The following TXLNG variants were observed in gnomAD, a reference collection of about 807,000 sequenced individuals.
TXLNG encodes gamma-taxilin.
A neutral mutation model predicts 38.8 loss-of-function variants in TXLNG; 5 were observed. That is an observed-to-expected ratio of 0.13 (90% CI 0.07 to 0.27). The LOEUF (loss-of-function observed/expected upper bound fraction) is 0.27, where lower values mean the gene tolerates loss of function less well. Among genes scored for constraint, TXLNG ranks in the 10% least tolerant of loss-of-function variants. The pLI, the probability that TXLNG is intolerant of heterozygous loss-of-function variation, is 1.00. For missense variants in TXLNG, 393 were observed against 398.2 expected (o/e 0.99, Z 0.11); for synonymous variants, 182 against 158.2 (o/e 1.15, Z -1.13).
chrX:16,822,392 G>GTA (rs1469950930), intron 3 of TXLNG, among the ~76,000 whole-genome samples: 1 of 111,292 alleles, frequency 9.0e-6, no homozygotes, highest in Non-Finnish European at 1.9e-5. Flanking sequence ...AGTGGTCCAG[G>GTA]TATACCTCAG....
chrX:16,803,195 A>G (rs1024205445), intron 1 of TXLNG: 1 of 111,009 alleles, frequency 9.0e-6, no homozygotes, highest in African/African-American at 3.3e-5. Flanking sequence ...AGTTTGACCC[A>G]ACAAACTTTG....
intron 3 of TXLNG, among the ~76,000 whole-genome samples, chrX:16,824,717 G>GAC (rs1929106538): frequency 9.3e-6 from 1 of 107,892 alleles, no homozygotes; most frequent in Non-Finnish European, 1.9e-5. Context: ...AGGAATTCAA[G>GAC]ACCAGCCTGT....
intron 1 of TXLNG, among the ~76,000 whole-genome samples, chrX:16,794,665 G>A (rs1391520454): frequency 9.0e-6 from 1 of 111,400 alleles, no homozygotes; most frequent in Non-Finnish European, 1.9e-5. Context: ...TGGATCTAGG[G>A]AAGGATGACT....
At chrX:16,824,921 A>G (rs982158459) in intron 3 of TXLNG, among the ~76,000 whole-genome samples, 1 of 108,691 alleles carries the variant, frequency 9.2e-6, no homozygotes, top group Non-Finnish European at 1.9e-5. Flanking sequence ...GTGAGACTTC[A>G]TCTCAGAAAA....
In TXLNG at chrX:16,818,837, G is replaced by A. The variant is rs747232403; in HGVS notation, c.366G>A (p.Gln122=). The A allele has an allele frequency of 2.5e-6, 3 of 1,209,966 alleles. No homozygotes were observed. The highest frequency in any genetic ancestry group is 5.9e-5 in the East Asian group (2 of 33,834). ...GEARTDPPDG[Q]QDSECNRNKE... ...CTCGAACAGATCCCCCTGATGGTCAGCAAGATTCAGAGTGCAACAGGAACA... is the reference window on the plus strand; with the variant it reads ...CTCGAACAGATCCCCCTGATGGTCAACAAGATTCAGAGTGCAACAGGAACA... The change falls in exon 2 of 10, where the codon CAG becomes CAA. Residue 122 remains glutamine (Q), a synonymous_variant. Transcript: ENST00000380122.
Position 16,818,786 on chromosome X carries a change from A to G in TXLNG, c.315A>G (p.Ser105=). Residue 105 remains serine (S), a synonymous_variant, in exon 2 of 10, where the codon TCA becomes TCG. Coordinates refer to ENST00000380122, the MANE Select transcript of TXLNG (RefSeq NM_018360.3). Reference sequence around the variant, plus strand: ...GCCCAGCATACTGCACGCAAGAATCAAGAGAGGAAATCCCTGGGGGAGAAG... The same window carrying G: ...GCCCAGCATACTGCACGCAAGAATCGAGAGAGGAAATCCCTGGGGGAGAAG... ...LVSPAYCTQE[S]REEIPGGEAR... 1 of 1,212,259 alleles carries G rather than the reference A, an allele frequency of 8.2e-7. No homozygotes were observed. The highest frequency in any genetic ancestry group is 1.1e-6 in the Non-Finnish European group (1 of 895,633).
At chrX:16,802,672 G>A (rs778268734) in intron 1 of TXLNG, among the ~76,000 whole-genome samples, 5 of 111,301 alleles carry the variant, frequency 4.5e-5, no homozygotes, top group South Asian at 3.8e-4. Flanking sequence ...CGTTAGTAAC[G>A]GAAAAGTGAG....
intron 8 of TXLNG, among the ~76,000 whole-genome samples, chrX:16,838,396 C>T (rs1298871006): frequency 6.3e-5 from 7 of 111,957 alleles, no homozygotes; most frequent in African/African-American, 1.9e-4. Flanking sequence ...AGATGTTAGT[C>T]ATGACTATTA....
At chrX:16,807,797 G>T (rs1040880175) in intron 1 of TXLNG, among the ~76,000 whole-genome samples, 2 of 111,451 alleles carry the variant, frequency 1.8e-5, no homozygotes, top group African/African-American at 6.5e-5. Flanking sequence ...CATATGCCTG[G>T]CCCTGGTCAA....
chrX:16,825,876 C>A (rs1409755010), intron 3 of TXLNG, among the ~76,000 whole-genome samples: 1 of 112,279 alleles, frequency 8.9e-6, no homozygotes, highest in Admixed American at 9.5e-5. Context: ...TCCTGATCTG[C>A]AGCTACACGC....
At position 16,839,985 on chromosome X, in the gene TXLNG, G is replaced by T. The variant is rs992341343; in HGVS notation, c.1248+69G>T. 4.7e-6 allele frequency: 4 copies of T among 845,161 alleles called. 1 individual carries two copies. The South Asian group carries it at 8.7e-5, about 18-fold the overall frequency. 69.7% of individuals were successfully genotyped at this position (845,161 alleles called of 1,213,427 possible). ...GACTCCTTGAGTTCAGGTACCTATC[G>T]GGGCCGGGGACGTGTGCTGTAACAC... On this transcript the variant is annotated intron_variant, in intron 9 of 9. Coordinates refer to ENST00000380122, the MANE Select transcript of TXLNG (RefSeq NM_018360.3).
At chrX:16,805,159 T>A (rs985267586) in intron 1 of TXLNG, among the ~76,000 whole-genome samples, 4 of 108,219 alleles carry the variant, frequency 3.7e-5, no homozygotes, top group African/African-American at 1.3e-4. Context: ...AATTTTTTTA[T>A]TTTTAGTAGA....
chrX:16,841,853 T>G lies in TXLNG; in HGVS notation c.*87T>G. On this transcript the variant is annotated 3_prime_UTR_variant, in exon 10 of 10. Transcript: ENST00000380122. ...TAACTATTGGTTTTGTGGTGAAAATTTTCTTACTTTTTCTACCATATCTGT... is the reference window on the plus strand; with the variant it reads ...TAACTATTGGTTTTGTGGTGAAAATGTTCTTACTTTTTCTACCATATCTGT... 1 of 963,867 alleles carries G rather than the reference T, an allele frequency of 1.0e-6. No homozygotes were observed. The highest frequency in any genetic ancestry group is 1.4e-6 in the Non-Finnish European group (1 of 702,914). The allele number at this position is 963,867 out of a possible 1,213,427, so 79.4% of individuals were successfully genotyped here. A position where few individuals can be genotyped will look rare whatever the true frequency, so the allele number is the denominator to read the frequency against.
intron 9 of TXLNG, among the ~76,000 whole-genome samples, chrX:16,841,156 T>C (rs5969748): frequency 0.47 from 50,837 of 107,534 alleles, 9,283 homozygotes; most frequent in East Asian, 0.85. Context: ...GATCACGCCA[T>C]TGCACTCCAG....
At chrX:16,815,333 G>A (rs1602378568) in intron 1 of TXLNG, among the ~76,000 whole-genome samples, 2 of 108,771 alleles carry the variant, frequency 1.8e-5, no homozygotes, top group Admixed American at 2.0e-4. Flanking sequence ...GCACCACCAC[G>A]CCCAGTTAAA....
At chrX:16,820,984 T>C (rs1928922949) in intron 3 of TXLNG, among the ~76,000 whole-genome samples, 2 of 109,265 alleles carry the variant, frequency 1.8e-5, no homozygotes, top group Admixed American at 2.0e-4. Flanking sequence ...TTAGCCAGGA[T>C]GGTCTTGATC....
chrX:16,820,209 C>T lies in TXLNG; in HGVS notation c.452C>T (p.Thr151Ile). The stretch of plus-strand genomic sequence containing the variant: ...ATGCAAGCCCTAAACACCCTTTCAA[C>T]CCCAGAGGAGAAGCTGGCAGCTCTC... ...LLMQALNTLS[T>I]PEEKLAALCK... The change falls in exon 3 of 10, where the codon ACC (threonine) becomes ATC (isoleucine). Residue 151 changes from threonine to isoleucine, a missense_variant. By Grantham distance (89) the Thr-to-Ile change is moderately conservative (BLOSUM62 -1). Coordinates refer to ENST00000380122, the MANE Select transcript of TXLNG (RefSeq NM_018360.3). 1 of 1,210,376 alleles carries T rather than the reference C, an allele frequency of 8.3e-7. No individual in the cohort carries two copies. The highest frequency in any genetic ancestry group is 1.1e-6 in the Non-Finnish European group (1 of 894,873).
rs774227669 is a variant in TXLNG, at chrX:16,829,751, A to G, written c.845A>G (p.Gln282Arg). ...GAGAAGCTAAAGAAGCTCATCGAAC[A>G]GTACGCACTGAGGGAAGAGGTAATG... ...LGEKLKKLIE[Q>R]YALREEHIDK... The change falls in exon 5 of 10, where the codon CAG becomes CGG. Residue 282 changes from glutamine (Q) to arginine (R), a missense_variant. Gln to Arg is a conservative substitution (Grantham distance 43). Transcript: ENST00000380122. 1 of 1,211,600 alleles carries G rather than the reference A, an allele frequency of 8.3e-7. No individual in the cohort carries two copies. Among genetic ancestry groups the G allele is most frequent in the Non-Finnish European group, 1.1e-6 (1 of 895,384 alleles).
At chrX:16,839,979 C>T (rs1602403917) in intron 9 of TXLNG, 63 bp downstream of exon 9, 1 of 871,283 alleles carries the variant, frequency 1.1e-6, no homozygotes, top group South Asian at 2.8e-5. Context: ...AGTTCAGGTA[C>T]CTATCGGGGC....
Sources: allele counts gnomAD v4.1 joint callset (sites outside exome capture counted in the v4.1 genomes callset), GRCh38; gene constraint gnomAD v4.1.1; transcripts MANE v1.5; gene names NCBI Gene and HGNC (gene_info 2026-07-23, HGNC 2026-07-21).